CCDC169: variants seen among roughly 807,000 people sequenced by gnomAD.
CCDC169 encodes the protein coiled-coil domain containing 169.
A neutral mutation model predicts 36.0 loss-of-function variants in CCDC169; 30 were observed. That is an observed-to-expected ratio of 0.83 (90% confidence interval 0.62 to 1.13). CCDC169 has a LOEUF of 1.13. CCDC169 is among the 50% of genes most tolerant of loss of function. The probability of loss-of-function intolerance (pLI) is 0.00; values close to 1 mark genes in which losing one functional copy is unlikely to be tolerated. For missense variants in CCDC169, 245 were observed against 245.9 expected, an observed-to-expected ratio of 1.00 and a Z score of 0.03; for synonymous variants, 85 against 81.5, an observed-to-expected ratio of 1.04 and a Z score of -0.23.
rs1873025374 is a variant in CCDC169 at position 36,250,528 on chromosome 13, T to C, written c.469-1846A>G. Among the ~76,000 whole-genome samples the C allele has an allele frequency of 2.0e-5, 3 of 152,324 alleles. No individual in the cohort carries two copies. In the South Asian group the frequency reaches 6.2e-4, roughly 32 times the overall value. ...TATGCTGTTGACATTATATCTAAAGTACTAAATTTAAACCTAAGTACTACA... is the reference window on the plus strand; with the variant it reads ...TATGCTGTTGACATTATATCTAAAGCACTAAATTTAAACCTAAGTACTACA... On this transcript the variant is annotated intron_variant, in intron 6 of 7. Coordinates refer to ENST00000239859, the MANE Select transcript of CCDC169 (RefSeq NM_001144981.3).
At chr13:36,227,604 A>C (rs930911697), downstream of CCDC169, among the ~76,000 whole-genome samples, 1 of 152,224 alleles carries the variant, frequency 6.6e-6, no homozygotes, top group Non-Finnish European at 1.5e-5. Flanking sequence ...ATAATATTTC[A>C]TTAACATTTA....
downstream of CCDC169, chr13:36,226,713 T>C (rs184215262): frequency 6.2e-4 from 101 of 162,398 alleles, 1 homozygote; most frequent in Admixed American, 4.9e-3. Context: ...AAATACTGCA[T>C]GTTCTCGCTT....
intron 4 of CCDC169, chr13:36,282,560 A>T: frequency 1.0e-6 from 1 of 984,958 alleles, no homozygotes; most frequent in Non-Finnish European, 1.2e-6. Context: ...TTCTGTTTAT[A>T]CTGAACTTTC....
At chr13:36,257,644 A>G (rs1369197414) in intron 4 of CCDC169, among the ~76,000 whole-genome samples, 1 of 151,872 alleles carries the variant, frequency 6.6e-6, no homozygotes, top group Non-Finnish European at 1.5e-5. Context: ...CGGGGGTTGT[A>G]GTGAGCCAAG....
At chr13:36,265,911 A>G (rs1270521878) in intron 4 of CCDC169, among the ~76,000 whole-genome samples, 1 of 152,178 alleles carries the variant, frequency 6.6e-6, no homozygotes, top group Non-Finnish European at 1.5e-5. Context: ...CTAGGAATCA[A>G]CGTTAACTCA....
chr13:36,261,556 C>T (rs1874609264), intron 4 of CCDC169, among the ~76,000 whole-genome samples: 1 of 152,166 alleles, frequency 6.6e-6, no homozygotes, highest in African/African-American at 2.4e-5. Context: ...AAAAGGGCTC[C>T]TTTAGGCCAA....
chr13:36,265,598 G>A (rs1002507302), intron 4 of CCDC169, among the ~76,000 whole-genome samples: 3 of 152,298 alleles, frequency 2.0e-5, no homozygotes, highest in East Asian at 1.9e-4. Flanking sequence ...GTATATTTGC[G>A]TCTTTTAGGT....
Position 36,252,685 on chromosome 13 carries a change from T to C in CCDC169, c.468+1118A>G, listed in dbSNP as rs1232114407. ...TATTCTCCCCAAAGCATTTCATTCA[T>C]TCAATGACTTCACTTTTTATATAAT... On this transcript the variant is annotated intron_variant, in intron 6 of 7. Transcript: ENST00000239859. Among the ~76,000 whole-genome samples, 5 of 152,204 alleles carry C rather than the reference T, an allele frequency of 3.3e-5. 1 individual carries two copies. Among genetic ancestry groups the C allele is most frequent in the Admixed American group, 3.3e-4 (5 of 15,286 alleles).
At chr13:36,256,986 T>C (rs1212413599) in intron 4 of CCDC169, among the ~76,000 whole-genome samples, 9 of 152,316 alleles carry the variant, frequency 5.9e-5, no homozygotes, top group Middle Eastern at 3.4e-3. Flanking sequence ...GCTCTCTGGC[T>C]CCTGAGGGCT....
intron 7 of CCDC169, among the ~76,000 whole-genome samples, chr13:36,245,181 A>G (rs191718157): frequency 1.1e-3 from 162 of 152,336 alleles, no homozygotes; most frequent in African/African-American, 3.5e-3. Flanking sequence ...GTTTTTCCCT[A>G]CATGGGATAA....
chr13:36,275,051 G>T (rs539452244), intron 4 of CCDC169, among the ~76,000 whole-genome samples: 3 of 152,052 alleles, frequency 2.0e-5, no homozygotes, highest in East Asian at 3.9e-4. Context: ...TGTATTTTTA[G>T]TAGAGACGGG....
intron 4 of CCDC169, among the ~76,000 whole-genome samples, chr13:36,259,792 G>C (rs1874385471): frequency 6.6e-6 from 1 of 152,228 alleles, no homozygotes; most frequent in South Asian, 2.1e-4. Flanking sequence ...TTAATTCCAA[G>C]AAGTCAGAGG....
At chr13:36,263,303 T>C (rs1874832381) in intron 4 of CCDC169, among the ~76,000 whole-genome samples, 1 of 152,204 alleles carries the variant, frequency 6.6e-6, no homozygotes, top group South Asian at 2.1e-4. Context: ...TCTCACATTC[T>C]TGCAAATTAA....
chr13:36,231,300 A>G lies in CCDC169; in HGVS notation c.546-8T>C. On this transcript the variant is annotated splice_region_variant and splice_polypyrimidine_tract_variant and intron_variant, in intron 7 of 7. Transcript: ENST00000239859. ...GCTGGATTATATCTTCCACTGAAAT[A>G]AATAAGTGTTAATCATAATTTTTCA... is the stretch of plus-strand genomic sequence containing the variant. 1 of 1,550,618 alleles carries G rather than the reference A, an allele frequency of 6.4e-7. No homozygotes were observed. Among genetic ancestry groups the G allele is most frequent in the Non-Finnish European group, 8.7e-7 (1 of 1,146,572 alleles).
In CCDC169 at chr13:36,296,704, T is replaced by C. The variant is rs147640081; in HGVS notation, c.84-847A>G. On this transcript the variant is annotated intron_variant, in intron 1 of 7. Transcript: ENST00000239859. ...ATTCAGTGAACAGTGAACAGAAAAA[T>C]AGCAATAGCGGCAGCAAAGTTCCAC... 6.5e-3 allele frequency among the ~76,000 whole-genome samples: 985 copies of C among 152,232 alleles called. 13 individuals carry two copies. Among genetic ancestry groups the C allele is most frequent in the African/African-American group, 0.023 (940 of 41,526 alleles).
intron 2 of CCDC169, among the ~76,000 whole-genome samples, chr13:36,284,826 C>T (rs913507474): frequency 6.6e-5 from 10 of 152,160 alleles, no homozygotes; most frequent in African/African-American, 2.2e-4. Flanking sequence ...AGTATTAGCA[C>T]ATACCACTAC....
intron 2 of CCDC169, among the ~76,000 whole-genome samples, chr13:36,294,558 T>C (rs1354198375): frequency 1.3e-5 from 2 of 152,036 alleles, no homozygotes; most frequent in East Asian, 1.9e-4. Flanking sequence ...GGCTCCCCAA[T>C]TGAGGAAGAG....
intron 4 of CCDC169, chr13:36,267,254 C>A (rs1246873481): frequency 6.6e-6 from 1 of 152,186 alleles, no homozygotes; most frequent in Non-Finnish European, 1.5e-5. Flanking sequence ...CACACAAATT[C>A]ATGAAGAATT....
At chr13:36,254,217 C>G (rs1308082119) in intron 4 of CCDC169, 74 bp from the exon 5 acceptor site, 4 of 1,013,786 alleles carry the variant, frequency 3.9e-6, no homozygotes, top group Non-Finnish European at 5.5e-6. Context: ...TCAATTTCTT[C>G]ACTAGTAAAT....
Sources: allele counts gnomAD v4.1 joint callset (sites outside exome capture counted in the v4.1 genomes callset), GRCh38; gene constraint gnomAD v4.1.1; transcripts MANE v1.5; gene names NCBI Gene and HGNC (gene_info 2026-07-23, HGNC 2026-07-21).